The following ZNF385D variants were observed in gnomAD, a reference collection of about 807,000 sequenced individuals.
The protein encoded by ZNF385D is zinc finger protein 659.
Under a neutral mutation model 35.8 loss-of-function variants are expected in ZNF385D, and 15 were observed. That is an observed-to-expected ratio of 0.42 (90% confidence interval 0.28 to 0.64). The LOEUF (loss-of-function observed/expected upper bound fraction) is 0.64. Among genes scored for constraint, ZNF385D ranks in the 30% least tolerant of loss-of-function variants. ZNF385D has a pLI of 0.23. For synonymous variants in ZNF385D, 212 were observed against 186.8 expected, an observed-to-expected ratio of 1.13 and a Z score of -1.10; for missense variants, 474 against 494.6, an observed-to-expected ratio of 0.96 and a Z score of 0.39.
At chr3:22,263,364 G>A (rs1466696965) in intron 2 of ZNF385D, among the ~76,000 whole-genome samples, 2 of 151,846 alleles carry the variant, frequency 1.3e-5, no homozygotes, top group African/African-American at 4.8e-5. Context: ...TTTTGTCCAA[G>A]ATCTTCACAA....
intron 3 of ZNF385D, among the ~76,000 whole-genome samples, chr3:21,943,351 G>A (rs919689728): frequency 6.6e-6 from 1 of 151,146 alleles, no homozygotes. Context: ...GAGTGAGAAA[G>A]AATAAGTAAT....
At chr3:21,852,070 T>A (rs1244122352) in intron 3 of ZNF385D, among the ~76,000 whole-genome samples, 2 of 152,008 alleles carry the variant, frequency 1.3e-5, no homozygotes, top group African/African-American at 4.8e-5. Context: ...TAGACTCTGT[T>A]TGGTAGATTC....
chr3:22,015,932 A>G (rs1051782794), intron 3 of ZNF385D, among the ~76,000 whole-genome samples: 3 of 152,090 alleles, frequency 2.0e-5, no homozygotes, highest in African/African-American at 7.2e-5. Context: ...TTTTCTGTGG[A>G]GCATTCTGTG....
chr3:22,127,402 C>G (rs933404373), intron 3 of ZNF385D, among the ~76,000 whole-genome samples: 31 of 121,038 alleles, frequency 2.6e-4, no homozygotes, highest in Non-Finnish European at 4.8e-5. Flanking sequence ...TGCAGTGGTG[C>G]AATCTTGGTT....
chr3:21,663,036 T>G (rs946863612), intron 2 of ZNF385D, among the ~76,000 whole-genome samples: 2 of 152,162 alleles, frequency 1.3e-5, no homozygotes, highest in South Asian at 2.1e-4. Flanking sequence ...CAAGGTCTTA[T>G]CGATGGTAAC....
intron 2 of ZNF385D, among the ~76,000 whole-genome samples, chr3:22,208,114 G>C (rs1298814249): frequency 6.6e-6 from 1 of 151,872 alleles, no homozygotes; most frequent in African/African-American, 2.4e-5. Flanking sequence ...GTATAGCAAA[G>C]AGATATATAA....
At chr3:21,632,635 G>A (rs752410237) in intron 2 of ZNF385D, among the ~76,000 whole-genome samples, 6 of 152,054 alleles carry the variant, frequency 3.9e-5, no homozygotes, top group Non-Finnish European at 5.9e-5. Context: ...TTGGACCCAC[G>A]GAGTGTATTC....
At chr3:22,087,676 A>G (rs977305220) in intron 3 of ZNF385D, among the ~76,000 whole-genome samples, 1 of 152,214 alleles carries the variant, frequency 6.6e-6, no homozygotes, top group African/African-American at 2.4e-5. Context: ...TGAAACAAGA[A>G]TAAACTTCAA....
rs941207758 is a variant in ZNF385D, at chr3:21,417,346, A to C, written c.*3868T>G. 3 of 152,118 alleles carry C rather than the reference A, an allele frequency of 2.0e-5. No individual in the cohort carries two copies. Among genetic ancestry groups the C allele is most frequent in the Non-Finnish European group, 4.4e-5 (3 of 67,994 alleles). 9.4% of individuals were successfully genotyped at this position (152,118 alleles called of 1,614,324 possible). ...AAGTTACCCTGTTGGTCAGGGACAA[A>C]GTCTACAATAGACTCTGGCTACTCT... is the stretch of plus-strand genomic sequence containing the variant. On this transcript the variant is annotated 3_prime_UTR_variant, in exon 8 of 8. Transcript: ENST00000281523.
In ZNF385D at chr3:21,542,423, T is replaced by C. The variant is rs145604325; in HGVS notation, c.276+22151A>G. On this transcript the variant is annotated intron_variant, in intron 3 of 7. Coordinates refer to ENST00000281523, the MANE Select transcript of ZNF385D (RefSeq NM_024697.3). ...AGAGCGGTGGTGTGATCAGTACCCA[T>C]TGCAACCTCGAACCGCTGGGCTCAA... 9.5e-3 allele frequency among the ~76,000 whole-genome samples: 1,439 copies of C among 151,434 alleles called. 5 individuals are homozygous for C. The highest frequency in any genetic ancestry group is 0.015 in the Non-Finnish European group (1,049 of 67,890).
At position 22,129,923 on chromosome 3, in the gene ZNF385D, T is replaced by G. The variant is rs542356410; in HGVS notation, c.325+38894A>C. Among the ~76,000 whole-genome samples the G allele has an allele frequency of 1.6e-3, 242 of 152,192 alleles. 1 individual carries two copies. The highest frequency in any genetic ancestry group is 5.4e-3 in the African/African-American group (226 of 41,526). Reference sequence around the variant, plus strand: ...TCACCACAGCTGGGAGTGTCCTGGGTCACACCTGAAGCCAGCATAATATTG... The same window carrying G: ...TCACCACAGCTGGGAGTGTCCTGGGGCACACCTGAAGCCAGCATAATATTG... On this transcript the variant is annotated intron_variant, in intron 3 of 5. Coordinates refer to the ZNF385D transcript ENST00000494108.
At chr3:21,852,145 G>A (rs1201195689) in intron 3 of ZNF385D, among the ~76,000 whole-genome samples, 1 of 151,820 alleles carries the variant, frequency 6.6e-6, no homozygotes, top group African/African-American at 2.4e-5. Context: ...ATGAGCATCG[G>A]GTTTTTAGTT....
At chr3:21,890,753 G>C (rs1429853687) in intron 3 of ZNF385D, among the ~76,000 whole-genome samples, 1 of 152,164 alleles carries the variant, frequency 6.6e-6, no homozygotes, top group African/African-American at 2.4e-5. Context: ...GTATTCAAGA[G>C]AAGCAGCAGA....
At chr3:21,835,283 A>G (rs1482234354) in intron 3 of ZNF385D, among the ~76,000 whole-genome samples, 1 of 152,050 alleles carries the variant, frequency 6.6e-6, no homozygotes, top group Non-Finnish European at 1.5e-5. Flanking sequence ...AAGCAGCAAA[A>G]ATAAATATAG....
At chr3:22,148,855 A>C (rs1417811136) in intron 3 of ZNF385D, among the ~76,000 whole-genome samples, 1 of 152,190 alleles carries the variant, frequency 6.6e-6, no homozygotes, top group Non-Finnish European at 1.5e-5. Flanking sequence ...ATTGCTTCCT[A>C]AAGAAAGATA....
At chr3:21,835,531 A>AC (rs1459631400) in intron 3 of ZNF385D, among the ~76,000 whole-genome samples, 2 of 151,844 alleles carry the variant, frequency 1.3e-5, no homozygotes, top group Non-Finnish European at 2.9e-5. Flanking sequence ...AAAAAAAAAA[A>AC]AACTAAACCA....
At chr3:22,296,820 A>C (rs1213380962) in intron 2 of ZNF385D, among the ~76,000 whole-genome samples, 1 of 152,154 alleles carries the variant, frequency 6.6e-6, no homozygotes, top group Non-Finnish European at 1.5e-5. Flanking sequence ...TCTGGAGAGC[A>C]AAAGTGCAGG....
intron 2 of ZNF385D, among the ~76,000 whole-genome samples, chr3:21,583,959 C>CTTACTTAT (rs376620663): frequency 1.4e-5 from 2 of 138,264 alleles, no homozygotes; most frequent in Non-Finnish European, 3.0e-5. Flanking sequence ...TACTTATTTA[C>CTTACTTAT]TTATTTATTT....
At chr3:22,080,766 A>G (rs907378267) in intron 3 of ZNF385D, among the ~76,000 whole-genome samples, 1 of 152,100 alleles carries the variant, frequency 6.6e-6, no homozygotes, top group Non-Finnish European at 1.5e-5. Flanking sequence ...CAATTAGATT[A>G]TGAGGGTGGT....
Sources: gnomAD v4.1 joint callset for allele counts (sites outside exome capture counted in the v4.1 genomes callset) on GRCh38, gnomAD v4.1.1 for gene constraint, MANE v1.5 for transcripts, NCBI Gene and HGNC (gene_info 2026-07-23, HGNC 2026-07-21) for gene names.